The following PAK6 variants were observed in gnomAD, a reference collection of about 807,000 sequenced individuals.
PAK6 encodes p21 (RAC1) activated kinase 6, also known as serine/threonine-protein kinase PAK 6.
Under a neutral mutation model 60.8 loss-of-function variants are expected in PAK6, and 33 were observed. The ratio of observed to expected loss-of-function variants is 0.54; its 90% CI spans 0.41 to 0.73. The LOEUF is 0.73. PAK6 is among the 30% of genes least tolerant of loss of function. The pLI is 0.00. For missense variants in PAK6, 845 were observed against 904.1 expected (o/e 0.93, Z 0.84); for synonymous variants, 404 against 378.5 (o/e 1.07, Z -0.78).
chr15:40,270,558 G>A (rs1369135895), intron 5 of PAK6, among the ~76,000 whole-genome samples: 1 of 152,172 alleles, frequency 6.6e-6, no homozygotes, highest in Non-Finnish European at 1.5e-5. Context: ...TGGGCCCCAG[G>A]TCCTGACAGC....
chr15:40,272,103 A>G, intron 5 of PAK6, 121 bp from the exon 6 acceptor site: 1 of 1,102,470 alleles, frequency 9.1e-7, no homozygotes, highest in Admixed American at 2.2e-5. Flanking sequence ...CCCTAGTTTG[A>G]TCTGATACCC....
Position 40,243,010 on chromosome 15 carries a change from C to T in PAK6, c.-118+2329C>T, listed in dbSNP as rs772964990. ...AAGCTGAGCTGAGCGTGGGGCCAAC[C>T]GCGCCAGAAACAAGCGGAGCCACAA... On this transcript the variant is annotated intron_variant, in intron 2 of 10. Coordinates refer to ENST00000560346, the Ensembl canonical transcript of PAK6. Among the ~76,000 whole-genome samples the T allele has an allele frequency of 4.0e-4, 61 of 152,150 alleles. 1 individual carries two copies. Among genetic ancestry groups the T allele is most frequent in the Non-Finnish European group, 4.9e-4 (33 of 68,018 alleles).
At chr15:40,269,057 C>T (rs1440464337) in intron 5 of PAK6, among the ~76,000 whole-genome samples, 2 of 152,230 alleles carry the variant, frequency 1.3e-5, no homozygotes, top group Non-Finnish European at 2.9e-5. Flanking sequence ...CTCCCTCTTT[C>T]GCCCAGGCTG....
rs141376598 is a variant in PAK6, at chr15:40,269,063, G to A, written c.858+2568G>A. Among the ~76,000 whole-genome samples, 970 of 152,330 alleles carry A rather than the reference G, an allele frequency of 6.4e-3. 13 individuals carry two copies. The highest frequency in any genetic ancestry group is 0.022 in the African/African-American group (930 of 41,572). The stretch of plus-strand genomic sequence containing the variant: ...AGATGGCGTCTCCCTCTTTCGCCCA[G>A]GCTGGAGTGCAGTGGCACAATCTTG... On this transcript the variant is annotated intron_variant, in intron 5 of 10. Coordinates refer to ENST00000560346, the Ensembl canonical transcript of PAK6.
At chr15:40,269,771 C>G (rs576417518) in intron 5 of PAK6, among the ~76,000 whole-genome samples, 9 of 152,316 alleles carry the variant, frequency 5.9e-5, no homozygotes, top group African/African-American at 2.2e-4. Context: ...CATCCCTCCC[C>G]CAGCCTCCAG....
At chr15:40,267,083 C>G (rs1049538703) in intron 5 of PAK6, 1 of 152,558 alleles carries the variant, frequency 6.6e-6, no homozygotes, top group Non-Finnish European at 1.5e-5. Context: ...CCCGGGCCCT[C>G]TTGGCTCATG....
At chr15:40,274,063 C>T (rs1473243522) in intron 9 of PAK6, 79 bp from the exon 10 acceptor site, 25 of 1,539,514 alleles carry the variant, frequency 1.6e-5, no homozygotes, top group Non-Finnish European at 5.3e-6. Flanking sequence ...TGTCCCCCCT[C>T]CACCACTGCT....
chr15:40,263,940 C>G (rs2039050429), intron 3 of PAK6: 2 of 455,904 alleles, frequency 4.4e-6, no homozygotes, highest in Non-Finnish European at 8.8e-6. Flanking sequence ...ACATAGAGCT[C>G]CAATACCAGA....
intron 3 of PAK6, among the ~76,000 whole-genome samples, chr15:40,262,757 A>G (rs2039015979): frequency 2.0e-5 from 3 of 152,204 alleles, no homozygotes; most frequent in Admixed American, 2.0e-4. Context: ...GAGAGGTGAC[A>G]TCACAAGAGA....
intron 5 of PAK6, among the ~76,000 whole-genome samples, chr15:40,270,304 G>C (rs139630841): frequency 6.6e-6 from 1 of 152,158 alleles, no homozygotes. Context: ...CCCTGAGGCC[G>C]TAAGATCATA....
At chr15:40,256,782 G>A (rs1255367163) in intron 3 of PAK6, 1 of 152,220 alleles carries the variant, frequency 6.6e-6, no homozygotes, top group African/African-American at 2.4e-5. Flanking sequence ...CAGGCTTGTG[G>A]CGAGGAGATC....
rs747386668 is a variant in PAK6, at chr15:40,266,184, G to A, written c.547G>A (p.Ala183Thr). The A allele has an allele frequency of 2.5e-5, 41 of 1,609,120 alleles. 1 individual carries two copies. The highest frequency in any genetic ancestry group is 1.6e-4 in the Middle Eastern group (1 of 6,084). ...TGCAAAGGCACAGTCCCTGGGCCCC[G>A]CCGAGTTTCAGGGTGCCTCGCAGCG... is the stretch of plus-strand genomic sequence containing the variant. The change falls in exon 5 of 11, where the codon GCC becomes ACC. Residue 183 changes from alanine (A) to threonine (T), a missense_variant. Physicochemically the swap from Ala to Thr is moderately conservative, Grantham distance 58. Coordinates refer to ENST00000560346, the Ensembl canonical transcript of PAK6.
chr15:40,248,575 G>T (rs1056364378), intron 2 of PAK6, among the ~76,000 whole-genome samples: 4 of 152,220 alleles, frequency 2.6e-5, no homozygotes, highest in Admixed American at 1.3e-4. Context: ...TTCAGGCAGG[G>T]TGCTGGCTTG....
At chr15:40,244,612 A>G (rs1043280231) in intron 2 of PAK6, among the ~76,000 whole-genome samples, 1 of 151,700 alleles carries the variant, frequency 6.6e-6, no homozygotes, top group African/African-American at 2.4e-5. Flanking sequence ...TGGCCAGGCT[A>G]GTCTCGAACT....
At chr15:40,272,903 TGGA>T (rs765786863) in exon 7 of PAK6, 1 of 1,613,550 alleles carries the variant, frequency 6.2e-7, no homozygotes, top group East Asian at 2.2e-5. Flanking sequence ...TTCAACGTGG[TGGA>T]GATGTACAAG....
intron 2 of PAK6, chr15:40,252,774 C>T (rs1372529692): frequency 1.5e-6 from 2 of 1,301,044 alleles, no homozygotes; most frequent in African/African-American, 3.0e-5. Flanking sequence ...GGTGCCCATG[C>T]CCCGAAGTTC....
chr15:40,259,491 A>G (rs2038925637), intron 3 of PAK6: 2 of 152,358 alleles, frequency 1.3e-5, no homozygotes, highest in South Asian at 4.1e-4. Flanking sequence ...GTATTTAAAA[A>G]TATTTTGTTT....
chr15:40,241,368 C>T (rs2140936542), intron 2 of PAK6, among the ~76,000 whole-genome samples: 1 of 152,236 alleles, frequency 6.6e-6, no homozygotes, highest in East Asian at 1.9e-4. Context: ...GAGGCTGGTT[C>T]TGGTGGGAAC....
intron 5 of PAK6, among the ~76,000 whole-genome samples, chr15:40,267,396 G>A (rs1005779831): frequency 3.9e-5 from 6 of 152,332 alleles, no homozygotes; most frequent in Admixed American, 6.5e-5. Flanking sequence ...GGTGGCTCAC[G>A]TCTGTAGTCC....
Sources: gnomAD v4.1 joint callset for allele counts (sites outside exome capture counted in the v4.1 genomes callset) on GRCh38, gnomAD v4.1.1 for gene constraint, MANE v1.5 for transcripts, NCBI Gene and HGNC (gene_info 2026-07-23, HGNC 2026-07-21) for gene names.